RPTOR: variants seen among roughly 807,000 people sequenced by gnomAD.
RPTOR encodes the protein regulatory associated protein of MTOR complex 1, also known as regulatory-associated protein of mTOR.
In RPTOR, 21 loss-of-function variants were observed where a neutral mutation model predicts 169.9. The observed-to-expected ratio is 0.12, with a 90% confidence interval of 0.09 to 0.18. The LOEUF is 0.18. RPTOR is among the 10% of genes least tolerant of loss of function. The pLI, the probability that RPTOR is intolerant of heterozygous loss-of-function variation, is 1.00. For missense variants in RPTOR, 1,133 were observed against 1,855.9 expected, an observed-to-expected ratio of 0.61 and a Z score of 7.16; for synonymous variants, 732 against 753.2, an observed-to-expected ratio of 0.97 and a Z score of 0.46.
intron 21 of RPTOR, among the ~76,000 whole-genome samples, chr17:80,910,430 T>A (rs1474040395): frequency 1.3e-5 from 2 of 152,212 alleles, no homozygotes; most frequent in Non-Finnish European, 2.9e-5. Context: ...AATTTTTTGG[T>A]AACTTTTTGA....
chr17:80,917,116 A>ATTT (rs35518986), intron 21 of RPTOR, among the ~76,000 whole-genome samples: 48 of 144,898 alleles, frequency 3.3e-4, no homozygotes, highest in African/African-American at 1.1e-3. Context: ...GATAGGTTTC[A>ATTT]TTTTTTTTTT....
chr17:80,791,028 C>A (rs1259198946), intron 6 of RPTOR, among the ~76,000 whole-genome samples: 1 of 152,184 alleles, frequency 6.6e-6, no homozygotes, highest in Non-Finnish European at 1.5e-5. Flanking sequence ...ATTGAATTTG[C>A]ATTTCTTTTG....
At chr17:80,776,826 G>A (rs1177774067) in intron 6 of RPTOR, among the ~76,000 whole-genome samples, 1 of 152,160 alleles carries the variant, frequency 6.6e-6, no homozygotes, top group Admixed American at 6.5e-5. Context: ...GACAGAGAAG[G>A]CCCCACAGTG....
At chr17:80,943,840 C>T (rs1043009064) in intron 25 of RPTOR, among the ~76,000 whole-genome samples, 1 of 151,418 alleles carries the variant, frequency 6.6e-6, no homozygotes, top group South Asian at 2.1e-4. Context: ...AAGAGCCAGG[C>T]GGTGTCTCTC....
At chr17:80,605,740 TGGG>T (rs2065224303) in intron 1 of RPTOR, among the ~76,000 whole-genome samples, 1 of 151,968 alleles carries the variant, frequency 6.6e-6, no homozygotes, top group Non-Finnish European at 1.5e-5. Flanking sequence ...GCCTGACACA[TGGG>T]AGGCAGTCAC....
chr17:80,718,049 T>C (rs1195819900), intron 4 of RPTOR, among the ~76,000 whole-genome samples: 3 of 152,232 alleles, frequency 2.0e-5, no homozygotes, highest in Non-Finnish European at 4.4e-5. Context: ...CTCTGCTTTT[T>C]AGAGTTCCAT....
chr17:80,688,730 T>C lies in RPTOR; in HGVS notation c.349-19111T>C, dbSNP rs544286438. On this transcript the variant is annotated intron_variant, in intron 3 of 33. Coordinates refer to ENST00000306801, the MANE Select transcript of RPTOR (RefSeq NM_020761.3). Reference sequence around the variant, plus strand: ...GCAGCCAGTGTTACTCTCTGCTCCATCCCTTTTTTGTTAATTTTGCGGTTA... The same window carrying C: ...GCAGCCAGTGTTACTCTCTGCTCCACCCCTTTTTTGTTAATTTTGCGGTTA... Among the ~76,000 whole-genome samples, 5 of 152,342 alleles carry C rather than the reference T, an allele frequency of 3.3e-5. No homozygotes were observed. The South Asian group carries it at 1.0e-3, about 32-fold the overall frequency.
chr17:80,884,000 G>C (rs373626764), intron 16 of RPTOR, 28 bp downstream of exon 16: 1 of 1,594,880 alleles, frequency 6.3e-7, no homozygotes, highest in Non-Finnish European at 8.6e-7. Context: ...TCAGAGTCCA[G>C]TCCTCCTGGC....
chr17:80,836,377 C>T (rs907084663), intron 9 of RPTOR, among the ~76,000 whole-genome samples: 24 of 152,368 alleles, frequency 1.6e-4, no homozygotes, highest in African/African-American at 5.5e-4. Flanking sequence ...GTGCCTGGCA[C>T]TGGGAAAGAA....
At chr17:80,799,201 A>C (rs1042650213) in intron 7 of RPTOR, among the ~76,000 whole-genome samples, 2 of 152,256 alleles carry the variant, frequency 1.3e-5, no homozygotes, top group Admixed American at 1.3e-4. Flanking sequence ...ACCAGGCAGA[A>C]ACAGGCTCTC....
In RPTOR at chr17:80,730,978, A is replaced by G. The variant is rs1339218434; in HGVS notation, c.654+272A>G. Among the ~76,000 whole-genome samples the G allele has an allele frequency of 1.3e-5, 2 of 152,124 alleles. No individual in the cohort carries two copies. Among genetic ancestry groups the G allele is most frequent in the Admixed American group, 1.3e-4 (2 of 15,278 alleles). On this transcript the variant is annotated intron_variant, in intron 5 of 33. Coordinates refer to ENST00000306801, the MANE Select transcript of RPTOR (RefSeq NM_020761.3). The surrounding 1 kb of genome is among the most constrained non-coding windows in gnomAD (Gnocchi z 4.2). ...AATGTCTGTCACCTGAGCCCAAGCA[A>G]TCTTCCCTTCTCAGCCTCCTGAGTA...
At chr17:80,674,736 C>T (rs1488286630) in intron 3 of RPTOR, among the ~76,000 whole-genome samples, 2 of 132,822 alleles carry the variant, frequency 1.5e-5, no homozygotes, top group Admixed American at 9.3e-5. Flanking sequence ...TTCAGTGAGC[C>T]GAGATAGCGC....
intron 3 of RPTOR, among the ~76,000 whole-genome samples, chr17:80,688,055 T>C (rs2065962318): frequency 6.6e-6 from 1 of 152,192 alleles, no homozygotes; most frequent in Non-Finnish European, 1.5e-5. Context: ...GCCCAAAGCA[T>C]GTAGTGGCGG....
intron 11 of RPTOR, among the ~76,000 whole-genome samples, chr17:80,849,859 C>T (rs2067774274): frequency 6.6e-6 from 1 of 152,200 alleles, no homozygotes. Flanking sequence ...ACTCTCGTGG[C>T]CTGTGGGGTG....
intron 24 of RPTOR, among the ~76,000 whole-genome samples, chr17:80,927,658 GTGTC>G (rs1388264280): frequency 4.0e-5 from 6 of 150,412 alleles, no homozygotes; most frequent in Admixed American, 2.0e-4. Context: ...GTGTATCCCT[GTGTC>G]TGTCTGTGTG....
intron 30 of RPTOR, 31 bp from the exon 31 acceptor site, chr17:80,961,363 C>T: frequency 6.5e-7 from 1 of 1,534,912 alleles, no homozygotes; most frequent in South Asian, 1.2e-5. Flanking sequence ...TTCAGGGAAG[C>T]CCCACGCTGA....
chr17:80,616,986 C>T (rs914945403), intron 1 of RPTOR, among the ~76,000 whole-genome samples: 2 of 152,126 alleles, frequency 1.3e-5, no homozygotes, highest in South Asian at 2.1e-4. Context: ...TCTATATCTT[C>T]AGGGTATAAA....
At chr17:80,724,429 C>T (rs114762586) in intron 4 of RPTOR, among the ~76,000 whole-genome samples, 5,427 of 151,088 alleles carry the variant, frequency 0.036, 631 homozygotes, top group African/African-American at 0.13. Context: ...GTGCTAAATA[C>T]CCCAGTTTGT....
chr17:80,805,984 G>C (rs1475830521), intron 7 of RPTOR, among the ~76,000 whole-genome samples: 1 of 152,222 alleles, frequency 6.6e-6, no homozygotes, highest in Admixed American at 6.5e-5. Context: ...GCAGAAGTCT[G>C]TACTAGGGGA....
Sources: gnomAD v4.1 joint callset for allele counts (sites outside exome capture counted in the v4.1 genomes callset) on GRCh38, gnomAD v4.1.1 for gene constraint, Gnocchi (gnomAD v3.1) non-coding constraint, MANE v1.5 for transcripts, NCBI Gene and HGNC (gene_info 2026-07-23, HGNC 2026-07-21) for gene names.